ASAP2: variants seen among roughly 807,000 people sequenced by gnomAD.
ASAP2 encodes the protein arf-GAP with SH3 domain, ANK repeat and PH domain-containing protein 2.
ASAP2 carries 45 observed loss-of-function variants against 131.4 expected under a neutral mutation model. The ratio of observed to expected loss-of-function variants is 0.34; its 90% CI spans 0.27 to 0.44. ASAP2 has a LOEUF of 0.44. Ranked by LOEUF, ASAP2 falls within the 20% of genes least tolerant of loss-of-function variation. The pLI is 1.00. For synonymous variants in ASAP2, 510 were observed against 503.0 expected, an observed-to-expected ratio of 1.01 and a Z score of -0.19; for missense variants, 1,011 against 1,297.0, an observed-to-expected ratio of 0.78 and a Z score of 3.39.
intron 21 of ASAP2, among the ~76,000 whole-genome samples, chr2:9,386,930 C>T (rs1175869075): frequency 2.0e-5 from 3 of 152,184 alleles, no homozygotes; most frequent in Admixed American, 6.5e-5. Context: ...ACCGGCCGAG[C>T]GCGGGGGCTC....
chr2:9,327,302 G>A (rs554627056), intron 6 of ASAP2, among the ~76,000 whole-genome samples: 7 of 152,274 alleles, frequency 4.6e-5, no homozygotes, highest in African/African-American at 9.6e-5. Flanking sequence ...TGATAGCTTC[G>A]TGGTCACTAA....
In ASAP2 at chr2:9,311,071, G is replaced by A. The variant is rs1011068581; in HGVS notation, c.346-7453G>A. Among the ~76,000 whole-genome samples the A allele has an allele frequency of 2.0e-5, 3 of 152,128 alleles. No individual in the cohort carries two copies. Among genetic ancestry groups the A allele is most frequent in the Non-Finnish European group, 2.9e-5 (2 of 68,042 alleles). ...GGAAAAGCTAAGACAGGAAGTAGGG[G>A]TGGGGAAAGGAAGGATTGTTATTTT... On this transcript the variant is annotated intron_variant, in intron 3 of 27. Transcript: ENST00000281419. The surrounding 1 kb of genome is among the most constrained non-coding windows in gnomAD (Gnocchi z 5.2).
intron 6 of ASAP2, among the ~76,000 whole-genome samples, chr2:9,326,248 A>C (rs1294495322): frequency 6.6e-6 from 1 of 152,110 alleles, no homozygotes; most frequent in African/African-American, 2.4e-5. Context: ...ACAAACAAAC[A>C]TGACTTTAAA....
chr2:9,216,354 T>C (rs1037381116), intron 1 of ASAP2, among the ~76,000 whole-genome samples: 3 of 151,124 alleles, frequency 2.0e-5, no homozygotes, highest in African/African-American at 7.3e-5. Flanking sequence ...TGGTGTGATC[T>C]TGGCTCACCA....
chr2:9,363,542 T>C (rs1308269876), intron 15 of ASAP2, among the ~76,000 whole-genome samples: 2 of 152,222 alleles, frequency 1.3e-5, no homozygotes, highest in Non-Finnish European at 2.9e-5. Context: ...TGATTAATGC[T>C]GTGTACTTTT....
chr2:9,234,638 T>C (rs1663411528), intron 1 of ASAP2, among the ~76,000 whole-genome samples: 1 of 151,968 alleles, frequency 6.6e-6, no homozygotes. Context: ...GAAGCTGGGC[T>C]GTTTCTAATC....
At chr2:9,236,373 T>C (rs888985366) in intron 1 of ASAP2, among the ~76,000 whole-genome samples, 1 of 152,248 alleles carries the variant, frequency 6.6e-6, no homozygotes, top group African/African-American at 2.4e-5. Flanking sequence ...GATCCTCTTA[T>C]ATTCCTGACA....
At chr2:9,284,628 C>G (rs561648334) in intron 2 of ASAP2, among the ~76,000 whole-genome samples, 3 of 152,254 alleles carry the variant, frequency 2.0e-5, no homozygotes, top group Admixed American at 2.0e-4. Context: ...TGAAAAAGTG[C>G]CATGCATGGT....
chr2:9,365,577 G>A (rs749608639), intron 15 of ASAP2, among the ~76,000 whole-genome samples: 4 of 152,168 alleles, frequency 2.6e-5, no homozygotes, highest in Non-Finnish European at 5.9e-5. Flanking sequence ...TGCTAAGGAC[G>A]TACAGGTGTG....
intron 26 of ASAP2, 85 bp downstream of exon 26, chr2:9,400,915 T>G: frequency 1.5e-6 from 2 of 1,305,632 alleles, no homozygotes; most frequent in South Asian, 1.2e-5. Flanking sequence ...GAAGCAAGTC[T>G]TCCCCTCTTC....
chr2:9,260,202 AG>A (rs1665482905), intron 1 of ASAP2, among the ~76,000 whole-genome samples: 1 of 152,238 alleles, frequency 6.6e-6, no homozygotes, highest in African/African-American at 2.4e-5. Context: ...ACTGAGGCCC[AG>A]GTGATCAAGT....
At chr2:9,239,107 T>G (rs1046154668) in intron 1 of ASAP2, among the ~76,000 whole-genome samples, 3 of 152,186 alleles carry the variant, frequency 2.0e-5, no homozygotes, top group Non-Finnish European at 2.9e-5. Context: ...AGTTTGCTGG[T>G]TTTTTTGTCA....
At chr2:9,365,361 T>G (rs543311943) in intron 15 of ASAP2, among the ~76,000 whole-genome samples, 1 of 152,298 alleles carries the variant, frequency 6.6e-6, no homozygotes, top group South Asian at 2.1e-4. Flanking sequence ...TCTCCTGAGC[T>G]CAGCGGTCAG....
intron 16 of ASAP2, 91 bp from the exon 17 acceptor site, chr2:9,374,664 C>A: frequency 1.6e-6 from 2 of 1,274,382 alleles, no homozygotes; most frequent in Non-Finnish European, 2.2e-6. Flanking sequence ...GGACATGGCG[C>A]AGGAACCGTT....
chr2:9,242,057 AAGG>A (rs1486511871), intron 1 of ASAP2, among the ~76,000 whole-genome samples: 1 of 152,226 alleles, frequency 6.6e-6, no homozygotes, highest in Admixed American at 6.5e-5. Flanking sequence ...CATGTGAAGC[AAGG>A]AGGAGAAGGC....
intron 1 of ASAP2, among the ~76,000 whole-genome samples, chr2:9,246,896 A>C (rs1664375577): frequency 6.6e-6 from 1 of 151,658 alleles, no homozygotes; most frequent in African/African-American, 2.4e-5. Context: ...GCTGGAGTGC[A>C]GTGGCATGAT....
rs75987254 is a variant in ASAP2 at position 9,306,525 on chromosome 2, A to AG, written c.345+9083dup. On this transcript the variant is annotated intron_variant, in intron 3 of 27. Coordinates refer to ENST00000281419, the MANE Select transcript of ASAP2 (RefSeq NM_003887.3). ...AGGAAAGCAGGTGGGAAGGGTTCCT[A>AG]GGGTGAGAGGGGCTTGAGCCTGTTT... 2.4e-4 allele frequency among the ~76,000 whole-genome samples: 36 copies of AG among 151,894 alleles called. No homozygotes were observed. The East Asian group carries it at 6.8e-3, about 29-fold the overall frequency.
At chr2:9,397,100 CT>C (rs1459814165) in intron 24 of ASAP2, among the ~76,000 whole-genome samples, 2 of 152,366 alleles carry the variant, frequency 1.3e-5, no homozygotes, top group East Asian at 3.9e-4. Flanking sequence ...CTAATTATTT[CT>C]GCCTCTATAC....
chr2:9,307,426 A>G (rs1338267016), intron 3 of ASAP2, among the ~76,000 whole-genome samples: 1 of 152,222 alleles, frequency 6.6e-6, no homozygotes, highest in Admixed American at 6.5e-5. Context: ...GAGGTAATAC[A>G]TTTGAAAAAG....
Sources: allele counts gnomAD v4.1 joint callset (sites outside exome capture counted in the v4.1 genomes callset), GRCh38; gene constraint gnomAD v4.1.1; non-coding constraint Gnocchi (gnomAD v3.1); transcripts MANE v1.5; gene names NCBI Gene and HGNC (gene_info 2026-07-23, HGNC 2026-07-21).